Variants in IL1RAPL2 observed in about 807,000 individuals in gnomAD.
The protein encoded by IL1RAPL2 is interleukin 1 receptor accessory protein like 2.
Under a neutral mutation model 44.1 loss-of-function variants are expected in IL1RAPL2, and 3 were observed. The observed-to-expected ratio is 0.07, with a 90% CI of 0.03 to 0.18. IL1RAPL2 has a LOEUF of 0.18. Ranked by LOEUF, IL1RAPL2 falls within the 10% of genes least tolerant of loss-of-function variation. The pLI is 1.00. For synonymous variants in IL1RAPL2, 181 were observed against 178.8 expected (o/e 1.01, Z -0.10); for missense variants, 391 against 496.4 (o/e 0.79, Z 2.02).
At chrX:105,047,125 C>T (rs1477840920) in intron 2 of IL1RAPL2, among the ~76,000 whole-genome samples, 2 of 111,313 alleles carry the variant, frequency 1.8e-5, no homozygotes, top group African/African-American at 3.3e-5. Flanking sequence ...TTTCTCATCA[C>T]ATGCAGGGAG....
intron 6 of IL1RAPL2, among the ~76,000 whole-genome samples, chrX:105,531,732 T>C (rs1246771354): frequency 8.9e-6 from 1 of 112,063 alleles, no homozygotes; most frequent in Non-Finnish European, 1.9e-5. Context: ...TTTATTTTTG[T>C]ATATGGTGAC....
chrX:105,143,288 A>G (rs1319902458), intron 2 of IL1RAPL2, among the ~76,000 whole-genome samples: 2 of 112,082 alleles, frequency 1.8e-5, no homozygotes, highest in African/African-American at 6.5e-5. Context: ...GGCAAAGGAT[A>G]TGAACAGACA....
intron 2 of IL1RAPL2, among the ~76,000 whole-genome samples, chrX:104,800,588 C>T (rs1932878756): frequency 8.9e-6 from 1 of 112,283 alleles, no homozygotes; most frequent in African/African-American, 3.2e-5. Context: ...AATACAAATT[C>T]ACTTAGAGGT....
intron 2 of IL1RAPL2, among the ~76,000 whole-genome samples, chrX:104,660,117 C>T (rs1474905990): frequency 9.0e-6 from 1 of 111,135 alleles, no homozygotes; most frequent in East Asian, 2.8e-4. Context: ...AGATTCAGGT[C>T]TATATTTAAA....
Position 105,767,586 on chromosome X carries a change from C to A in IL1RAPL2, c.1986C>A (p.Thr662=). 8.3e-7 allele frequency: 1 copy of A among 1,210,233 alleles called. No individual in the cohort carries two copies. Among genetic ancestry groups the A allele is most frequent in the Non-Finnish European group, 1.1e-6 (1 of 894,370 alleles). The change falls in exon 11 of 11, where the codon ACC becomes ACA. Residue 662 remains threonine, a synonymous_variant. Coordinates refer to ENST00000372582, the MANE Select transcript of IL1RAPL2 (RefSeq NM_017416.2). Reference sequence around the variant, plus strand: ...CCCTTAATAACACCCTGAAAGATACCCAGGAATTTCACAGGAACAGTTCTT... The same window carrying A: ...CCCTTAATAACACCCTGAAAGATACACAGGAATTTCACAGGAACAGTTCTT... ...QLPLNNTLKD[T]QEFHRNSSLL...
intron 2 of IL1RAPL2, among the ~76,000 whole-genome samples, chrX:104,944,136 A>G (rs996184432): frequency 1.8e-5 from 2 of 111,498 alleles, no homozygotes; most frequent in Non-Finnish European, 3.8e-5. Context: ...TTCTTTAACA[A>G]TATGCCCGCT....
intron 2 of IL1RAPL2, among the ~76,000 whole-genome samples, chrX:104,772,379 C>T (rs1276473932): frequency 1.8e-5 from 2 of 112,183 alleles, no homozygotes; most frequent in Non-Finnish European, 3.8e-5. Flanking sequence ...TATTTCCACC[C>T]TATCTTTTAA....
At chrX:105,180,062 C>T (rs1289871781) in intron 2 of IL1RAPL2, among the ~76,000 whole-genome samples, 6 of 110,354 alleles carry the variant, frequency 5.4e-5, no homozygotes, top group Non-Finnish European at 5.7e-5. Context: ...CCTAGCTGGG[C>T]ACAGTGGCTT....
intron 6 of IL1RAPL2, among the ~76,000 whole-genome samples, chrX:105,654,981 C>T (rs1302820730): frequency 8.9e-6 from 1 of 111,898 alleles, no homozygotes; most frequent in Non-Finnish European, 1.9e-5. Context: ...TAGGCAGAAG[C>T]CCCCGGGAAG....
chrX:105,511,247 A>G (rs1401236510), intron 6 of IL1RAPL2, among the ~76,000 whole-genome samples: 1 of 111,867 alleles, frequency 8.9e-6, no homozygotes, highest in East Asian at 2.8e-4. Context: ...TCATGTTGAC[A>G]TAACAATTTT....
chrX:104,676,616 T>C (rs1441835646), intron 2 of IL1RAPL2, among the ~76,000 whole-genome samples: 6 of 111,515 alleles, frequency 5.4e-5, no homozygotes, highest in South Asian at 3.8e-4. Flanking sequence ...TTGTAGCGTT[T>C]TCTGTATTTC....
Position 104,592,145 on chromosome X carries a change from ATGTGTGTG to A in IL1RAPL2, c.-20+25136_-20+25143del, listed in dbSNP as rs35940205. On this transcript the variant is annotated intron_variant, in intron 1 of 10. Coordinates refer to ENST00000372582, the MANE Select transcript of IL1RAPL2 (RefSeq NM_017416.2). ...ATATGATTTTTTTTAATGCCCGTATATGTGTGTGTGTGTGTGTGTGTGTGTGTGTGTGT... is the reference window on the plus strand; with the variant it reads ...ATATGATTTTTTTTAATGCCCGTATATGTGTGTGTGTGTGTGTGTGTGTGT... Among the ~76,000 whole-genome samples, 370 of 60,196 alleles carry A rather than the reference ATGTGTGTG, an allele frequency of 6.1e-3. 2 individuals are homozygous for A. The highest frequency in any genetic ancestry group is 0.015 in the African/African-American group (244 of 15,753). The allele number at this position is 60,196 out of a possible 115,157, so 52.3% of individuals were successfully genotyped here.
intron 5 of IL1RAPL2, among the ~76,000 whole-genome samples, chrX:105,286,315 T>A (rs1878916463): frequency 9.0e-6 from 1 of 110,746 alleles, no homozygotes; most frequent in Non-Finnish European, 1.9e-5. Context: ...TTGTATATCT[T>A]TGCTTACAGA....
intron 2 of IL1RAPL2, among the ~76,000 whole-genome samples, chrX:104,787,059 C>T (rs1358317786): frequency 9.7e-6 from 1 of 103,514 alleles, no homozygotes; most frequent in Non-Finnish European, 2.0e-5. Context: ...CTTATTTATT[C>T]TTTTCATTCA....
In IL1RAPL2 at chrX:105,018,426, C is replaced by T. The variant is rs190655597; in HGVS notation, c.83-177049C>T. 2.2e-4 allele frequency among the ~76,000 whole-genome samples: 25 copies of T among 111,652 alleles called. No homozygotes were observed. In the Admixed American group the frequency reaches 2.3e-3, roughly 10 times the overall value. Reference sequence around the variant, plus strand: ...CTCTGTGAAGCCTCACTTCAGTTGCCTTCTCTTGTACTTCCATAGCAATTT... The same window carrying T: ...CTCTGTGAAGCCTCACTTCAGTTGCTTTCTCTTGTACTTCCATAGCAATTT... On this transcript the variant is annotated intron_variant, in intron 2 of 10. Transcript: ENST00000372582.
intron 10 of IL1RAPL2, among the ~76,000 whole-genome samples, chrX:105,759,746 T>TGACA (rs886499826): frequency 6.2e-5 from 7 of 112,206 alleles, no homozygotes; most frequent in African/African-American, 2.3e-4. Context: ...GTGATTGTGC[T>TGACA]GACAATGAAA....
chrX:104,740,864 C>A (rs1244712522), intron 2 of IL1RAPL2, among the ~76,000 whole-genome samples: 3 of 111,299 alleles, frequency 2.7e-5, no homozygotes, highest in African/African-American at 9.8e-5. Flanking sequence ...CCTTTGAAAC[C>A]TTGTGTTAAT....
intron 2 of IL1RAPL2, among the ~76,000 whole-genome samples, chrX:105,077,054 A>G (rs1456633499): frequency 9.0e-6 from 1 of 110,674 alleles, no homozygotes; most frequent in East Asian, 2.8e-4. Flanking sequence ...TTTAAGGTTA[A>G]TATTGTTATG....
intron 5 of IL1RAPL2, among the ~76,000 whole-genome samples, chrX:105,325,541 T>TATATA (rs2034929782): frequency 2.6e-5 from 2 of 76,091 alleles, no homozygotes; most frequent in African/African-American, 1.4e-4. Flanking sequence ...TCTCTTGGTT[T>TATATA]TATATATATA....
Sources: allele counts gnomAD v4.1 joint callset (sites outside exome capture counted in the v4.1 genomes callset), GRCh38; gene constraint gnomAD v4.1.1; transcripts MANE v1.5; gene names NCBI Gene and HGNC (gene_info 2026-07-23, HGNC 2026-07-21).